HSD17B12: variants seen among roughly 807,000 people sequenced by gnomAD.
The protein encoded by HSD17B12 is very-long-chain 3-oxoacyl-CoA reductase.
HSD17B12 carries 32 observed loss-of-function variants against 39.3 expected under a neutral mutation model. The observed-to-expected ratio is 0.81, with a 90% confidence interval of 0.61 to 1.09. The LOEUF (loss-of-function observed/expected upper bound fraction) is 1.09. HSD17B12 is among the 50% of genes least tolerant of loss of function. The pLI is 0.00. For missense variants in HSD17B12, 342 were observed against 382.9 expected (o/e 0.89, Z 0.89); for synonymous variants, 150 against 146.7 (o/e 1.02, Z -0.16).
chr11:43,717,117 T>C (rs2134852993), intron 1 of HSD17B12, among the ~76,000 whole-genome samples: 1 of 152,338 alleles, frequency 6.6e-6, no homozygotes, highest in Admixed American at 6.5e-5. Context: ...ATTTAGTTAT[T>C]TGGCAAACAC....
At chr11:43,663,972 C>G in the HSD17B12 span, among the ~76,000 whole-genome samples, 1 of 151,864 alleles carries the variant, frequency 6.6e-6, no homozygotes, top group African/African-American at 2.4e-5. Flanking sequence ...AAGCGATTCT[C>G]CTGAGTAGCT....
At chr11:43,619,258 A>ATATATATATATAAAATATATATATATT in the HSD17B12 span, among the ~76,000 whole-genome samples, 1 of 82,534 alleles carries the variant, frequency 1.2e-5, no homozygotes, top group Non-Finnish European at 2.6e-5. Context: ...ATATATATAT[A>ATATATATATATAAAATATATATATATT]TTTTATATAT....
chr11:43,655,212 TTATTGGTG>T, the HSD17B12 span, among the ~76,000 whole-genome samples: 2 of 152,224 alleles, frequency 1.3e-5, no homozygotes, highest in Admixed American at 1.3e-4. Flanking sequence ...TGTTTGTCTG[TTATTGGTG>T]TATAAGAATG....
the HSD17B12 span, among the ~76,000 whole-genome samples, chr11:43,655,419 C>T: frequency 6.6e-6 from 1 of 152,138 alleles, no homozygotes; most frequent in African/African-American, 2.4e-5. Flanking sequence ...CCTGATTGCC[C>T]TCGCCAGAAC....
chr11:43,598,448 C>T, the HSD17B12 span, among the ~76,000 whole-genome samples: 2 of 151,590 alleles, frequency 1.3e-5, no homozygotes, highest in Non-Finnish European at 2.9e-5. Flanking sequence ...AGCTGATTCG[C>T]TCTTCTTGCA....
At chr11:43,818,898 G>A (rs1268196798) in intron 6 of HSD17B12, among the ~76,000 whole-genome samples, 1 of 152,012 alleles carries the variant, frequency 6.6e-6, no homozygotes, top group African/African-American at 2.4e-5. Context: ...GCAAGCAAAG[G>A]TTTTTGATCA....
chr11:43,690,381 TATATA>T lies in HSD17B12; in HGVS notation c.160+9395_160+9399del, dbSNP rs1565049617. Among the ~76,000 whole-genome samples, 110 of 13,808 alleles carry T rather than the reference TATATA, an allele frequency of 8.0e-3. 14 individuals are homozygous for T. The highest frequency in any genetic ancestry group is 0.014 in the Middle Eastern group (1 of 70). The allele number at this position is 13,808 out of a possible 152,430, so 9.1% of individuals were successfully genotyped here. On this transcript the variant is annotated intron_variant, in intron 1 of 10. Coordinates refer to ENST00000278353, the MANE Select transcript of HSD17B12 (RefSeq NM_016142.3). Reference sequence around the variant, plus strand: ...TCATACATATATATATATATATATATATATATATATATATATATATATATTTTTTT... The same window carrying T: ...TCATACATATATATATATATATATATTATATATATATATATATATTTTTTT...
intron 3 of HSD17B12, among the ~76,000 whole-genome samples, chr11:43,764,153 A>G (rs962199865): frequency 6.6e-6 from 1 of 152,148 alleles, no homozygotes; most frequent in Admixed American, 6.5e-5. Flanking sequence ...TAGGAGTGTA[A>G]TGTGAAACTT....
the HSD17B12 span, among the ~76,000 whole-genome samples, chr11:43,566,170 C>T: frequency 6.6e-6 from 1 of 151,990 alleles, no homozygotes; most frequent in African/African-American, 2.4e-5. Context: ...TTGTCATTAG[C>T]ATTGAGTGGG....
the HSD17B12 span, among the ~76,000 whole-genome samples, chr11:43,665,068 G>A: frequency 0.32 from 47,914 of 151,982 alleles, 7,768 homozygotes; most frequent in African/African-American, 0.36. Flanking sequence ...TCTTAAACAC[G>A]TAATATACAT....
chr11:43,777,678 T>C (rs1466419718), intron 3 of HSD17B12, among the ~76,000 whole-genome samples: 3 of 152,346 alleles, frequency 2.0e-5, no homozygotes, highest in South Asian at 2.1e-4. Flanking sequence ...CATCCCTGTC[T>C]TGTGCCAGTT....
chr11:43,724,905 T>G (rs1447488809), intron 1 of HSD17B12, among the ~76,000 whole-genome samples: 1 of 152,176 alleles, frequency 6.6e-6, no homozygotes, highest in Non-Finnish European at 1.5e-5. Context: ...AATATAGTAA[T>G]TTTTTAACAG....
At chr11:43,564,037 A>G in the HSD17B12 span, among the ~76,000 whole-genome samples, 3 of 151,506 alleles carry the variant, frequency 2.0e-5, no homozygotes, top group Admixed American at 2.0e-4. Flanking sequence ...GGCTATTTTT[A>G]TTTTTTGCTA....
chr11:43,782,621 G>A (rs1238817045), intron 3 of HSD17B12, among the ~76,000 whole-genome samples: 1 of 149,960 alleles, frequency 6.7e-6, no homozygotes, highest in Admixed American at 6.7e-5. Flanking sequence ...GTTGCAGTGA[G>A]CCAAGATTGC....
the HSD17B12 span, among the ~76,000 whole-genome samples, chr11:43,593,666 A>G: frequency 2.0e-5 from 3 of 152,168 alleles, no homozygotes; most frequent in Non-Finnish European, 4.4e-5. Context: ...AGTAAGAAAT[A>G]TAATTATAAC....
chr11:43,712,599 T>A (rs1950078088), intron 1 of HSD17B12, among the ~76,000 whole-genome samples: 1 of 152,158 alleles, frequency 6.6e-6, no homozygotes. Flanking sequence ...CCCTTCCAGA[T>A]CTAACCAATG....
the HSD17B12 span, among the ~76,000 whole-genome samples, chr11:43,612,290 T>C: frequency 2.0e-5 from 3 of 152,238 alleles, no homozygotes; most frequent in African/African-American, 7.2e-5. Context: ...TAATCTTATC[T>C]TATTCTTTGC....
Position 43,750,972 on chromosome 11 carries a change from A to G in HSD17B12, c.207+15A>G. ...ATGCAGAAGAGGTAGGTGATTTTCA[A>G]GATCTTTCCTTTTAATATAAAAAAT... On this transcript the variant is annotated intron_variant, in intron 2 of 10. Coordinates refer to ENST00000278353, the MANE Select transcript of HSD17B12 (RefSeq NM_016142.3). The G allele has an allele frequency of 6.5e-7, 1 of 1,545,588 alleles. No homozygotes were observed. Among genetic ancestry groups the G allele is most frequent in the Non-Finnish European group, 8.9e-7 (1 of 1,125,938 alleles).
chr11:43,562,984 C>G, the HSD17B12 span, among the ~76,000 whole-genome samples: 1 of 152,316 alleles, frequency 6.6e-6, no homozygotes, highest in African/African-American at 2.4e-5. Flanking sequence ...AGTCTTCCCT[C>G]AGCTGAAGTA....
Sources: allele counts gnomAD v4.1 joint callset (sites outside exome capture counted in the v4.1 genomes callset), GRCh38; gene constraint gnomAD v4.1.1; transcripts MANE v1.5; gene names NCBI Gene and HGNC (gene_info 2026-07-23, HGNC 2026-07-21).